RABGAP1L: variants seen among roughly 807,000 people sequenced by gnomAD.
RABGAP1L encodes the protein RAB GTPase activating protein 1 like, also known as rab GTPase-activating protein 1-like.
Under a neutral mutation model 137.7 loss-of-function variants are expected in RABGAP1L, and 63 were observed. That is an observed-to-expected ratio of 0.46 (90% CI 0.37 to 0.56). RABGAP1L has a LOEUF of 0.56. Ranked by LOEUF, RABGAP1L falls within the 20% of genes least tolerant of loss-of-function variation. RABGAP1L has a pLI of 0.00. For missense variants in RABGAP1L, 1,095 were observed against 1,244.0 expected, an observed-to-expected ratio of 0.88 and a Z score of 1.80; for synonymous variants, 431 against 433.7, an observed-to-expected ratio of 0.99 and a Z score of 0.08.
intron 19 of RABGAP1L, among the ~76,000 whole-genome samples, chr1:174,885,799 C>G (rs1009162859): frequency 1.3e-5 from 2 of 151,748 alleles, no homozygotes; most frequent in East Asian, 2.0e-4. Flanking sequence ...AACCCCGTCT[C>G]CACTAAAAAT....
intron 17 of RABGAP1L, 28 bp downstream of exon 17, chr1:174,702,284 C>A: frequency 6.5e-7 from 1 of 1,543,058 alleles, no homozygotes; most frequent in Non-Finnish European, 8.8e-7. Context: ...TTTCACTAAG[C>A]CAAAATAGAA....
intron 13 of RABGAP1L, among the ~76,000 whole-genome samples, chr1:174,436,737 A>G (rs966420810): frequency 3.3e-5 from 5 of 152,124 alleles, no homozygotes; most frequent in African/African-American, 1.2e-4. Context: ...GTCCATGCCT[A>G]TGCTTGAGAT....
At chr1:174,979,034 A>G in intron 23 of RABGAP1L, 144 bp downstream of exon 23, 2 of 1,225,020 alleles carry the variant, frequency 1.6e-6, no homozygotes, top group Non-Finnish European at 2.1e-6. Context: ...AAAATTTTTT[A>G]GTTAGCCAGG....
intron 19 of RABGAP1L, among the ~76,000 whole-genome samples, chr1:174,906,469 A>T (rs1659104474): frequency 6.6e-6 from 1 of 152,080 alleles, no homozygotes; most frequent in Non-Finnish European, 1.5e-5. Flanking sequence ...CTCTACTAAA[A>T]ATACAAAAAT....
At chr1:174,888,172 A>T (rs1368932353) in intron 19 of RABGAP1L, among the ~76,000 whole-genome samples, 7 of 152,226 alleles carry the variant, frequency 4.6e-5, no homozygotes, top group Admixed American at 4.6e-4. Context: ...TAATTTTGAG[A>T]TATATGTAAT....
intron 23 of RABGAP1L, among the ~76,000 whole-genome samples, chr1:174,980,179 C>CT (rs200541059): frequency 8.0e-5 from 12 of 150,868 alleles, no homozygotes; most frequent in East Asian, 3.9e-4. Context: ...ATTGTTTATC[C>CT]TTTTTTTTTG....
At chr1:174,277,869 A>C (rs1675130737) in intron 9 of RABGAP1L, among the ~76,000 whole-genome samples, 1 of 152,124 alleles carries the variant, frequency 6.6e-6, no homozygotes, top group Admixed American at 6.6e-5. Flanking sequence ...GTATTTAGTA[A>C]GACTGTATTT....
In RABGAP1L at chr1:174,688,319, A is replaced by G. The variant is rs574218578; in HGVS notation, c.1899+4723A>G. On this transcript the variant is annotated intron_variant, in intron 15 of 25. Transcript: ENST00000681986. ...CAAGTTTTAAATTTTTTAATTGAACATGTACCTTTTTAGACATTCAGAAGT... is the reference window on the plus strand; with the variant it reads ...CAAGTTTTAAATTTTTTAATTGAACGTGTACCTTTTTAGACATTCAGAAGT... Among the ~76,000 whole-genome samples, 3 of 152,200 alleles carry G rather than the reference A, an allele frequency of 2.0e-5. No individual in the cohort carries two copies. The East Asian group carries it at 5.8e-4, about 29-fold the overall frequency.
intron 14 of RABGAP1L, among the ~76,000 whole-genome samples, chr1:174,661,578 A>G (rs1676372607): frequency 6.6e-6 from 1 of 152,240 alleles, no homozygotes; most frequent in Admixed American, 6.5e-5. Flanking sequence ...ATAATTCATT[A>G]TTATAATCAA....
intron 19 of RABGAP1L, among the ~76,000 whole-genome samples, chr1:174,844,401 A>G (rs1693827024): frequency 1.4e-5 from 1 of 70,922 alleles, no homozygotes; most frequent in Non-Finnish European, 3.0e-5. Context: ...TGATTTTTGT[A>G]TAAGGTGTAA....
At chr1:174,879,485 G>A (rs1653794173) in intron 19 of RABGAP1L, among the ~76,000 whole-genome samples, 1 of 151,868 alleles carries the variant, frequency 6.6e-6, no homozygotes, top group Non-Finnish European at 1.5e-5. Context: ...CACCCACCTT[G>A]GCCTCCCAAA....
At chr1:174,547,244 C>G (rs1666095038) in intron 13 of RABGAP1L, among the ~76,000 whole-genome samples, 1 of 152,154 alleles carries the variant, frequency 6.6e-6, no homozygotes. Context: ...CCTTTTCCTG[C>G]TACCACCTGG....
chr1:174,952,512 TA>T (rs544382460), intron 19 of RABGAP1L, among the ~76,000 whole-genome samples: 53 of 146,560 alleles, frequency 3.6e-4, no homozygotes, highest in Admixed American at 4.1e-4. Flanking sequence ...CCCTGTCTCT[TA>T]AAAAAAAAAA....
At chr1:174,623,619 G>A (rs896295797) in intron 13 of RABGAP1L, among the ~76,000 whole-genome samples, 2 of 152,170 alleles carry the variant, frequency 1.3e-5, no homozygotes, top group African/African-American at 2.4e-5. Flanking sequence ...GATAATACAC[G>A]TGGAGTACTG....
chr1:174,349,819 G>A lies in RABGAP1L; in HGVS notation c.1466-21160G>A, dbSNP rs543152066. Among the ~76,000 whole-genome samples, 9 of 118,526 alleles carry A rather than the reference G, an allele frequency of 7.6e-5. No homozygotes were observed. The East Asian group carries it at 1.1e-3, about 15-fold the overall frequency. The allele number at this position is 118,526 out of a possible 152,430, so 77.8% of individuals were successfully genotyped here. ...CCAGTAGGGGCGGCCGGGCAGAGGC[G>A]CCCCTCACCTCCCAGACGGGGCGGC... On this transcript the variant is annotated intron_variant, in intron 11 of 25. Transcript: ENST00000681986.
intron 18 of RABGAP1L, among the ~76,000 whole-genome samples, chr1:174,768,149 G>A (rs1041896138): frequency 4.6e-5 from 7 of 152,102 alleles, no homozygotes; most frequent in Admixed American, 2.6e-4. Context: ...TTCTGATTTG[G>A]ATGCATTTTC....
intron 17 of RABGAP1L, among the ~76,000 whole-genome samples, chr1:174,739,263 T>G (rs1279440153): frequency 6.6e-6 from 1 of 152,220 alleles, no homozygotes; most frequent in Admixed American, 6.5e-5. Flanking sequence ...AAGTTGTGGA[T>G]ATTTTGTTCC....
chr1:174,876,363 C>G (rs1176757305), intron 19 of RABGAP1L, among the ~76,000 whole-genome samples: 1 of 152,074 alleles, frequency 6.6e-6, no homozygotes, highest in East Asian at 1.9e-4. Flanking sequence ...GTGTCATGAT[C>G]TAGAAAAAGC....
At chr1:174,635,173 T>G (rs1414782368) in intron 13 of RABGAP1L, among the ~76,000 whole-genome samples, 1 of 152,192 alleles carries the variant, frequency 6.6e-6, no homozygotes, top group Non-Finnish European at 1.5e-5. Context: ...TTGGAACCAT[T>G]TAAACACAGC....
Sources: allele counts gnomAD v4.1 joint callset (sites outside exome capture counted in the v4.1 genomes callset), GRCh38; gene constraint gnomAD v4.1.1; transcripts MANE v1.5; gene names NCBI Gene and HGNC (gene_info 2026-07-23, HGNC 2026-07-21).